Variants in TCF12 observed in about 807,000 individuals in gnomAD.
TCF12 encodes the protein transcription factor 12, also known as DNA-binding protein HTF4.
TCF12 carries 45 observed loss-of-function variants against 86.0 expected under a neutral mutation model. The observed-to-expected ratio is 0.52, with a 90% confidence interval of 0.41 to 0.67. TCF12 has a LOEUF of 0.67. TCF12 is among the 30% of genes least tolerant of loss of function. The probability of loss-of-function intolerance (pLI) is 0.00; values close to 1 mark genes in which losing one functional copy is unlikely to be tolerated. For missense variants in TCF12, 881 were observed against 859.9 expected, an observed-to-expected ratio of 1.02 and a Z score of -0.31; for synonymous variants, 330 against 299.6, an observed-to-expected ratio of 1.10 and a Z score of -1.05.
intron 19 of TCF12, among the ~76,000 whole-genome samples, chr15:57,274,352 G>A (rs535553111): frequency 6.6e-6 from 1 of 152,280 alleles, no homozygotes; most frequent in East Asian, 1.9e-4. Flanking sequence ...TAATGAATAA[G>A]AATGAGGGAT....
At chr15:57,056,297 T>C (rs2068023159) in intron 3 of TCF12, among the ~76,000 whole-genome samples, 1 of 151,788 alleles carries the variant, frequency 6.6e-6, no homozygotes, top group African/African-American at 2.4e-5. Flanking sequence ...CCCACCACCA[T>C]TCCCAGCTAC....
At chr15:57,083,979 G>A (rs2048472422) in intron 4 of TCF12, among the ~76,000 whole-genome samples, 1 of 152,036 alleles carries the variant, frequency 6.6e-6, no homozygotes, top group Non-Finnish European at 1.5e-5. Flanking sequence ...TATGGGACTG[G>A]TATTTTAAAG....
intron 3 of TCF12, among the ~76,000 whole-genome samples, chr15:56,929,126 G>C (rs2060138613): frequency 6.6e-6 from 1 of 152,008 alleles, no homozygotes; most frequent in African/African-American, 2.4e-5. Flanking sequence ...CATCATTTTT[G>C]GGTTATGGCA....
intron 13 of TCF12, among the ~76,000 whole-genome samples, chr15:57,246,463 T>C (rs1434479121): frequency 6.6e-6 from 1 of 152,154 alleles, no homozygotes; most frequent in Non-Finnish European, 1.5e-5. Flanking sequence ...TGGCCCCCTA[T>C]GTCAGGGCTC....
At chr15:57,136,514 C>T (rs2052532779) in intron 5 of TCF12, among the ~76,000 whole-genome samples, 1 of 152,198 alleles carries the variant, frequency 6.6e-6, no homozygotes, top group African/African-American at 2.4e-5. Flanking sequence ...CTTATTTCTA[C>T]ATTCCAAGGT....
chr15:57,181,967 T>C (rs2151647799), intron 6 of TCF12, among the ~76,000 whole-genome samples: 1 of 152,328 alleles, frequency 6.6e-6, no homozygotes, highest in Admixed American at 6.5e-5. Flanking sequence ...CTATAAAAGA[T>C]AGTCTAGATG....
At chr15:56,941,375 T>A (rs866011672) in intron 3 of TCF12, among the ~76,000 whole-genome samples, 1,839 of 147,978 alleles carry the variant, frequency 0.012, 41 homozygotes, top group African/African-American at 0.039. Flanking sequence ...TCAAAAAAAT[T>A]TTTTTTTTTT....
intron 13 of TCF12, among the ~76,000 whole-genome samples, chr15:57,245,624 G>T (rs1342705461): frequency 1.3e-5 from 2 of 152,102 alleles, no homozygotes; most frequent in African/African-American, 4.8e-5. Context: ...TCTATGAAGG[G>T]TCATCAATGA....
intron 20 of TCF12, among the ~76,000 whole-genome samples, chr15:57,285,246 T>C (rs1426531750): frequency 6.6e-6 from 1 of 152,206 alleles, no homozygotes; most frequent in Non-Finnish European, 1.5e-5. Context: ...GCTTTGAATA[T>C]CTTAGTTTTC....
intron 4 of TCF12, among the ~76,000 whole-genome samples, chr15:57,073,872 C>G (rs2069633930): frequency 6.6e-6 from 1 of 152,104 alleles, no homozygotes; most frequent in Admixed American, 6.5e-5. Context: ...CCTCAGCCTC[C>G]CGAGTAGCTG....
Position 57,019,633 on chromosome 15 carries a change from C to T in TCF12, c.149-44117C>T, listed in dbSNP as rs970923771. On this transcript the variant is annotated intron_variant, in intron 3 of 20. Coordinates refer to ENST00000333725, the MANE Select transcript of TCF12 (RefSeq NM_207037.2). ...CACCTCTGGGTGGAGGCCACAGGAC[C>T]GGTTTGAGTCATGAGTCACGGGTCC... 7.9e-5 allele frequency among the ~76,000 whole-genome samples: 12 copies of T among 151,990 alleles called. No individual in the cohort carries two copies. In the East Asian group the frequency reaches 9.7e-4, roughly 12 times the overall value.
intron 3 of TCF12, among the ~76,000 whole-genome samples, chr15:57,049,052 GTCCACTTTCTGGGGGCTGCCTATA>G (rs1596298052): frequency 6.6e-6 from 1 of 152,100 alleles, no homozygotes; most frequent in Non-Finnish European, 1.5e-5. Flanking sequence ...CCGTGGTCAC[GTCCACTTTCTGGGGGCTGCCTATA>G]TCCACTTTCT....
rs767719984 is a variant in TCF12, at chr15:57,253,373, A to C, written c.1372A>C (p.Ser458Arg). The C allele has an allele frequency of 2.5e-6, 4 of 1,614,120 alleles. No individual in the cohort carries two copies. Among genetic ancestry groups the C allele is most frequent in the Non-Finnish European group, 2.5e-6 (3 of 1,179,994 alleles). The part of the protein sequence containing the change: ...SLPAGHSDIH[S>R]LLGPSHNAPI... ...GCCTGCTGGTCACAGTGATATACATAGTTTATTGGGACCATCCCATAATGC... is the reference window on the plus strand; with the variant it reads ...GCCTGCTGGTCACAGTGATATACATCGTTTATTGGGACCATCCCATAATGC... Residue 458 changes from serine to arginine, a missense_variant, in exon 16 of 21, where the codon AGT becomes CGT. Transcript: ENST00000333725.
intron 3 of TCF12, among the ~76,000 whole-genome samples, chr15:56,948,177 A>G (rs1166525840): frequency 6.6e-6 from 1 of 151,822 alleles, no homozygotes; most frequent in Admixed American, 6.6e-5. Context: ...GCTGGAATGC[A>G]GTGGCGTGAT....
At chr15:57,247,081 C>T (rs1371772428) in intron 13 of TCF12, 8 of 567,548 alleles carry the variant, frequency 1.4e-5, no homozygotes, top group South Asian at 5.9e-5. Context: ...CTATAATTTC[C>T]GAACTCATTA....
intron 13 of TCF12, chr15:57,247,891 C>T: frequency 1.3e-6 from 1 of 762,762 alleles, no homozygotes; most frequent in South Asian, 1.3e-5. Flanking sequence ...CAAAATGTCT[C>T]TTAAACTATC....
intron 8 of TCF12, among the ~76,000 whole-genome samples, chr15:57,198,319 C>G (rs529361003): frequency 2.0e-5 from 3 of 152,284 alleles, no homozygotes; most frequent in South Asian, 4.1e-4. Context: ...GTCAGATGTT[C>G]ATTGTGAAGC....
intron 4 of TCF12, among the ~76,000 whole-genome samples, chr15:57,076,037 TAG>T (rs2070001150): frequency 6.6e-6 from 1 of 151,486 alleles, no homozygotes; most frequent in East Asian, 2.0e-4. Flanking sequence ...TAATTTTTTG[TAG>T]AGACAGGGTC....
At chr15:57,090,703 C>T (rs147621545) in intron 4 of TCF12, among the ~76,000 whole-genome samples, 3 of 152,000 alleles carry the variant, frequency 2.0e-5, no homozygotes, top group African/African-American at 7.2e-5. Flanking sequence ...TTTTTTAGTC[C>T]CCGGGGATTC....
Sources: gnomAD v4.1 joint callset for allele counts (sites outside exome capture counted in the v4.1 genomes callset) on GRCh38, gnomAD v4.1.1 for gene constraint, MANE v1.5 for transcripts, NCBI Gene and HGNC (gene_info 2026-07-23, HGNC 2026-07-21) for gene names.